Variants in ZDHHC20 observed in about 807,000 individuals in gnomAD.
The protein encoded by ZDHHC20 is palmitoyltransferase ZDHHC20.
ZDHHC20 carries 43 observed loss-of-function variants against 57.8 expected under a neutral mutation model. The ratio of observed to expected loss-of-function variants is 0.74; its 90% confidence interval spans 0.58 to 0.96. The LOEUF (loss-of-function observed/expected upper bound fraction) is 0.96. ZDHHC20 is among the 40% of genes least tolerant of loss of function. ZDHHC20 has a pLI of 0.00. For missense variants in ZDHHC20, 391 were observed against 441.1 expected, an observed-to-expected ratio of 0.89 and a Z score of 1.02; for synonymous variants, 157 against 153.0, an observed-to-expected ratio of 1.03 and a Z score of -0.19.
chr13:21,401,392 ATGTT>A (rs1877606189), intron 6 of ZDHHC20, among the ~76,000 whole-genome samples: 1 of 152,212 alleles, frequency 6.6e-6, no homozygotes, highest in Non-Finnish European at 1.5e-5. Context: ...TTAATTGTGA[ATGTT>A]TGTATTTAAT....
intron 1 of ZDHHC20, among the ~76,000 whole-genome samples, chr13:21,436,875 T>A (rs1882604841): frequency 6.6e-6 from 1 of 152,172 alleles, no homozygotes; most frequent in Non-Finnish European, 1.5e-5. Flanking sequence ...AAGTTGTGAA[T>A]GCCAAGGAAA....
chr13:21,441,773 A>G (rs1470802619), intron 1 of ZDHHC20, among the ~76,000 whole-genome samples: 2 of 151,894 alleles, frequency 1.3e-5, no homozygotes, highest in African/African-American at 4.8e-5. Context: ...TAATTTTTTT[A>G]TTCTGCCGTT....
intron 8 of ZDHHC20, 62 bp from the exon 9 acceptor site, chr13:21,387,696 A>G: frequency 9.2e-7 from 1 of 1,083,694 alleles, no homozygotes; most frequent in Non-Finnish European, 1.2e-6. Flanking sequence ...GGAGGGATGG[A>G]AATTACCAAT....
intron 3 of ZDHHC20, among the ~76,000 whole-genome samples, chr13:21,416,629 T>C (rs980689089): frequency 4.6e-5 from 7 of 152,152 alleles, no homozygotes; most frequent in Admixed American, 2.0e-4. Context: ...CAAGGTATGA[T>C]AAAAGCTCCC....
At position 21,437,848 on chromosome 13, in the gene ZDHHC20, C is replaced by T. The variant is rs894665012; in HGVS notation, c.119-12170G>A. ...GTAGGACTACAGGCGCCCGCCACCA[C>T]GCCTGGCTAATTTTTTGTATTTTTA... On this transcript the variant is annotated intron_variant, in intron 1 of 12. Coordinates refer to ENST00000400590, the MANE Select transcript of ZDHHC20 (RefSeq NM_001330059.2). 2.4e-3 allele frequency among the ~76,000 whole-genome samples: 366 copies of T among 152,190 alleles called. 5 individuals carry two copies. Among genetic ancestry groups the T allele is most frequent in the Non-Finnish European group, 4.7e-4 (32 of 68,012 alleles).
At chr13:21,387,848 AC>A (rs1874855942) in intron 8 of ZDHHC20, among the ~76,000 whole-genome samples, 1 of 152,158 alleles carries the variant, frequency 6.6e-6, no homozygotes, top group South Asian at 2.1e-4. Context: ...TTATAAAGTA[AC>A]ATGTCAAAAT....
At chr13:21,423,146 T>C (rs1475340) in intron 2 of ZDHHC20, among the ~76,000 whole-genome samples, 37,333 of 152,106 alleles carry the variant, frequency 0.25, 5,571 homozygotes, top group East Asian at 0.74. Context: ...TAGCTAAAAT[T>C]ATAGTTTCCT....
intron 7 of ZDHHC20, among the ~76,000 whole-genome samples, chr13:21,397,745 A>C (rs1359931134): frequency 6.6e-6 from 1 of 152,170 alleles, no homozygotes; most frequent in East Asian, 1.9e-4. Flanking sequence ...ACCTACTAGA[A>C]ATGGGCAAAG....
chr13:21,414,903 T>G (rs879458527), intron 3 of ZDHHC20, among the ~76,000 whole-genome samples: 2 of 152,100 alleles, frequency 1.3e-5, no homozygotes, highest in Non-Finnish European at 2.9e-5. Context: ...AAAACAAAAC[T>G]AAGAATGGCT....
At position 21,402,875 on chromosome 13, in the gene ZDHHC20, A is replaced by C; in HGVS notation, c.371-9T>G. On this transcript the variant is annotated splice_polypyrimidine_tract_variant and intron_variant, in intron 4 of 12. Coordinates refer to ENST00000400590, the MANE Select transcript of ZDHHC20 (RefSeq NM_001330059.2). ...TTCACAATATCTGATAGCTACATGAAAGAAGTAAAAGGAAGATGCTGAAGG... is the reference window on the plus strand; with the variant it reads ...TTCACAATATCTGATAGCTACATGACAGAAGTAAAAGGAAGATGCTGAAGG... The C allele has an allele frequency of 6.3e-7, 1 of 1,578,706 alleles. No individual in the cohort carries two copies. The highest frequency in any genetic ancestry group is 2.3e-5 in the East Asian group (1 of 43,788).
chr13:21,398,338 C>T (rs1877122278), intron 7 of ZDHHC20, among the ~76,000 whole-genome samples: 1 of 152,048 alleles, frequency 6.6e-6, no homozygotes, highest in South Asian at 2.1e-4. Context: ...GTGCCGGGTG[C>T]CTGTAGTCCC....
At chr13:21,404,553 C>T (rs2137812662) in intron 4 of ZDHHC20, among the ~76,000 whole-genome samples, 1 of 152,098 alleles carries the variant, frequency 6.6e-6, no homozygotes, top group African/African-American at 2.4e-5. Flanking sequence ...GAGATTAAGA[C>T]CATCCTGGCT....
intron 7 of ZDHHC20, among the ~76,000 whole-genome samples, chr13:21,393,821 G>A (rs1311793373): frequency 6.6e-6 from 1 of 151,502 alleles, no homozygotes; most frequent in Non-Finnish European, 1.5e-5. Context: ...CAAAGTGCTG[G>A]ACTACAGGCG....
chr13:21,421,170 A>G lies in ZDHHC20; in HGVS notation c.146-6T>C. ...AAGGTAAACAACGGTCTTTCCTGGT[A>G]AATAAAAACAAATAACAGTTCATTG... On this transcript the variant is annotated splice_region_variant and splice_polypyrimidine_tract_variant and intron_variant, in intron 2 of 12. Transcript: ENST00000400590. 6.2e-7 allele frequency: 1 copy of G among 1,607,102 alleles called. No individual in the cohort carries two copies. Among genetic ancestry groups the G allele is most frequent in the Non-Finnish European group, 8.5e-7 (1 of 1,174,688 alleles).
At chr13:21,427,874 G>C (rs1881454035) in intron 1 of ZDHHC20, among the ~76,000 whole-genome samples, 1 of 147,250 alleles carries the variant, frequency 6.8e-6, no homozygotes, top group Non-Finnish European at 1.5e-5. Flanking sequence ...ACAATGGCTA[G>C]AATCACTTCT....
intron 6 of ZDHHC20, among the ~76,000 whole-genome samples, chr13:21,400,772 A>G (rs1877512423): frequency 6.6e-6 from 1 of 151,548 alleles, no homozygotes; most frequent in South Asian, 2.1e-4. Flanking sequence ...GTGCAGTGGC[A>G]CAATCTCGGC....
intron 1 of ZDHHC20, among the ~76,000 whole-genome samples, chr13:21,446,259 T>C (rs1008327376): frequency 3.3e-5 from 5 of 152,224 alleles, no homozygotes; most frequent in African/African-American, 4.8e-5. Flanking sequence ...GGGGAAAATA[T>C]GAAAGTCTAT....
chr13:21,410,059 G>A (rs1878999473), intron 4 of ZDHHC20, among the ~76,000 whole-genome samples: 1 of 152,116 alleles, frequency 6.6e-6, no homozygotes, highest in African/African-American at 2.4e-5. Flanking sequence ...ACCTTCAGAT[G>A]GGGTTTTTTT....
At chr13:21,419,478 C>T (rs370239569) in intron 3 of ZDHHC20, among the ~76,000 whole-genome samples, 4 of 152,124 alleles carry the variant, frequency 2.6e-5, no homozygotes, top group East Asian at 3.9e-4. Context: ...AACAGTAGAC[C>T]GAGTAAACAA....
Sources: allele counts gnomAD v4.1 joint callset (sites outside exome capture counted in the v4.1 genomes callset), GRCh38; gene constraint gnomAD v4.1.1; transcripts MANE v1.5; gene names NCBI Gene and HGNC (gene_info 2026-07-23, HGNC 2026-07-21).